Variants in SHANK2 observed in about 807,000 individuals in gnomAD.
SHANK2 encodes the protein SH3 and multiple ankyrin repeat domains protein 2.
SHANK2 carries 43 observed loss-of-function variants against 133.7 expected under a neutral mutation model. That is an observed-to-expected ratio of 0.32 (90% CI 0.25 to 0.41). SHANK2 has a LOEUF of 0.41. Among genes scored for constraint, SHANK2 ranks in the 10% least tolerant of loss-of-function variants. The pLI is 1.00. For missense variants in SHANK2, 1,994 were observed against 2,235.8 expected (o/e 0.89, Z 2.18); for synonymous variants, 1,017 against 952.8 (o/e 1.07, Z -1.24).
At chr11:70,682,673 G>A (rs1036492220) in intron 15 of SHANK2, among the ~76,000 whole-genome samples, 2 of 152,152 alleles carry the variant, frequency 1.3e-5, no homozygotes, top group Non-Finnish European at 2.9e-5. Flanking sequence ...AATGGGGGAG[G>A]CAGGTAGGAG....
intron 15 of SHANK2, chr11:70,662,171 T>C (rs1944566083): frequency 1.4e-5 from 4 of 296,196 alleles, no homozygotes; most frequent in East Asian, 8.6e-5. Context: ...AGCAGTTTTG[T>C]TTTGCTTTTC....
At chr11:70,922,008 G>C (rs536125908) in intron 10 of SHANK2, among the ~76,000 whole-genome samples, 23 of 152,320 alleles carry the variant, frequency 1.5e-4, no homozygotes, top group African/African-American at 5.5e-4. Flanking sequence ...ACTTAAAAAT[G>C]ATTAGTATGA....
intron 11 of SHANK2, among the ~76,000 whole-genome samples, chr11:70,838,289 C>G (rs1948853894): frequency 6.6e-6 from 1 of 152,186 alleles, no homozygotes; most frequent in African/African-American, 2.4e-5. Flanking sequence ...GTGCCTGCTT[C>G]AACACTTGGG....
intron 17 of SHANK2, among the ~76,000 whole-genome samples, chr11:70,579,817 T>C (rs1284885154): frequency 1.3e-5 from 2 of 151,888 alleles, no homozygotes; most frequent in Non-Finnish European, 2.9e-5. Flanking sequence ...TCCTGATAAG[T>C]GGAGGAGGAG....
At chr11:70,674,725 G>A (rs1417407901) in intron 15 of SHANK2, among the ~76,000 whole-genome samples, 1 of 152,232 alleles carries the variant, frequency 6.6e-6, no homozygotes, top group Non-Finnish European at 1.5e-5. Flanking sequence ...TCCAGGCTTT[G>A]AGGGTGGATG....
At chr11:70,828,459 GT>G (rs1565346430) in intron 11 of SHANK2, among the ~76,000 whole-genome samples, 2 of 152,202 alleles carry the variant, frequency 1.3e-5, no homozygotes, top group Non-Finnish European at 2.9e-5. Flanking sequence ...TTAAGAAACG[GT>G]TCTGAGGTCA....
intron 1 of SHANK2, among the ~76,000 whole-genome samples, chr11:71,248,394 G>T (rs1428865381): frequency 6.6e-6 from 1 of 152,236 alleles, no homozygotes; most frequent in Non-Finnish European, 1.5e-5. Flanking sequence ...CCGCTGCCTG[G>T]CGGCTTTCTC....
At chr11:70,898,756 AT>A (rs1949979066) in intron 10 of SHANK2, among the ~76,000 whole-genome samples, 1 of 152,258 alleles carries the variant, frequency 6.6e-6, no homozygotes, top group Non-Finnish European at 1.5e-5. Flanking sequence ...GAGCTTGAAG[AT>A]TTGGAAGATT....
intron 16 of SHANK2, among the ~76,000 whole-genome samples, chr11:70,660,856 G>A (rs116761468): frequency 1.3e-3 from 202 of 152,378 alleles, no homozygotes; most frequent in African/African-American, 4.7e-3. Context: ...CTGGCACAGC[G>A]CGTAAGCTCC....
intron 14 of SHANK2, among the ~76,000 whole-genome samples, chr11:70,736,901 G>A (rs920957): frequency 0.37 from 55,948 of 151,994 alleles, 10,441 homozygotes; most frequent in Non-Finnish European, 0.37. Context: ...GGGACTGAAC[G>A]TGAAATGGGA....
intron 7 of SHANK2, 43 bp from the exon 8 acceptor site, chr11:71,092,632 C>A (rs1392111246): frequency 1.9e-6 from 3 of 1,541,982 alleles, no homozygotes; most frequent in Non-Finnish European, 8.8e-7. Flanking sequence ...GGTCTCATGA[C>A]CCCTTTTGCA....
chr11:70,919,244 C>T (rs955746229), intron 10 of SHANK2, among the ~76,000 whole-genome samples: 2 of 152,124 alleles, frequency 1.3e-5, no homozygotes, highest in African/African-American at 4.8e-5. Context: ...ACACGCACAC[C>T]GCCTCACATG....
intron 17 of SHANK2, among the ~76,000 whole-genome samples, chr11:70,615,143 A>T (rs1461962458): frequency 1.3e-5 from 2 of 152,182 alleles, no homozygotes; most frequent in Admixed American, 1.3e-4. Context: ...CCTCTGAACC[A>T]AGAGCTGTTG....
At chr11:70,584,229 T>C (rs564445052) in intron 17 of SHANK2, among the ~76,000 whole-genome samples, 1 of 152,094 alleles carries the variant, frequency 6.6e-6, no homozygotes, top group East Asian at 1.9e-4. Context: ...AGGTAGGAGG[T>C]AGTTACTAAG....
At chr11:70,490,462 C>A (rs1202832691) in intron 22 of SHANK2, 75 bp from the exon 23 acceptor site, 2 of 1,256,114 alleles carry the variant, frequency 1.6e-6, no homozygotes, top group African/African-American at 2.9e-5. Flanking sequence ...CCAGAGACCA[C>A]AAGGGAACTT....
At chr11:71,172,104 C>T (rs2135512194) in intron 2 of SHANK2, among the ~76,000 whole-genome samples, 1 of 152,332 alleles carries the variant, frequency 6.6e-6, no homozygotes, top group East Asian at 1.9e-4. Context: ...CCGTGGCACA[C>T]TGACCATGTA....
chr11:70,672,082 T>C (rs1206092986), intron 15 of SHANK2, among the ~76,000 whole-genome samples: 2 of 146,284 alleles, frequency 1.4e-5, no homozygotes, highest in South Asian at 4.3e-4. Flanking sequence ...TTTTTTTTTT[T>C]AGAGGGAGTC....
chr11:70,522,473 T>G (rs1191745678), intron 17 of SHANK2, among the ~76,000 whole-genome samples: 1 of 152,186 alleles, frequency 6.6e-6, no homozygotes, highest in Non-Finnish European at 1.5e-5. Context: ...CGTGCAGGGT[T>G]CTCATTAATT....
At chr11:70,741,555 T>C (rs530395155) in intron 14 of SHANK2, among the ~76,000 whole-genome samples, 1 of 151,922 alleles carries the variant, frequency 6.6e-6, no homozygotes, top group East Asian at 1.9e-4. Context: ...CTTCCCCCAC[T>C]TTCTTGGAGG....
Sources: gnomAD v4.1 joint callset for allele counts (sites outside exome capture counted in the v4.1 genomes callset) on GRCh38, gnomAD v4.1.1 for gene constraint, MANE v1.5 for transcripts, NCBI Gene and HGNC (gene_info 2026-07-23, HGNC 2026-07-21) for gene names.